SPAG16: variants seen among roughly 807,000 people sequenced by gnomAD.
The protein encoded by SPAG16 is sperm-associated antigen 16 protein.
SPAG16 carries 86 observed loss-of-function variants against 80.4 expected under a neutral mutation model. The ratio of observed to expected loss-of-function variants is 1.07; its 90% CI spans 0.90 to 1.28. The LOEUF (loss-of-function observed/expected upper bound fraction) is 1.28, where lower values mean the gene tolerates loss of function less well. Ranked by LOEUF, SPAG16 falls within the 50% of genes most tolerant of loss-of-function variation. SPAG16 has a pLI of 0.00. For missense variants in SPAG16, 870 were observed against 765.3 expected (o/e 1.14, Z -1.61); for synonymous variants, 294 against 265.9 (o/e 1.11, Z -1.03).
At chr2:213,696,333 A>G (rs1031731219) in intron 10 of SPAG16, among the ~76,000 whole-genome samples, 2 of 152,166 alleles carry the variant, frequency 1.3e-5, no homozygotes, top group African/African-American at 4.8e-5. Context: ...TGTCTAATTG[A>G]CAATTGGATA....
At chr2:214,296,251 C>T (rs1399853633) in intron 15 of SPAG16, among the ~76,000 whole-genome samples, 1 of 152,154 alleles carries the variant, frequency 6.6e-6, no homozygotes, top group African/African-American at 2.4e-5. Context: ...TTTATGGTTG[C>T]ATAGAATTCC....
At chr2:213,947,872 T>A (rs73990005) in intron 12 of SPAG16, among the ~76,000 whole-genome samples, 27,916 of 152,002 alleles carry the variant, frequency 0.18, 3,934 homozygotes, top group African/African-American at 0.4. Context: ...AATCAGATAG[T>A]GTGATTCCTT....
chr2:214,308,674 T>C (rs1695088684), intron 15 of SPAG16, among the ~76,000 whole-genome samples: 2 of 152,126 alleles, frequency 1.3e-5, no homozygotes, highest in South Asian at 4.1e-4. Flanking sequence ...AAAATTCTGG[T>C]TTGGAAATTC....
chr2:213,916,354 C>G (rs1309535757), intron 11 of SPAG16, among the ~76,000 whole-genome samples: 1 of 152,138 alleles, frequency 6.6e-6, no homozygotes, highest in Non-Finnish European at 1.5e-5. Flanking sequence ...TTCCCAACAT[C>G]ATTTATTAAA....
At chr2:213,928,100 C>G (rs1448214361) in intron 11 of SPAG16, among the ~76,000 whole-genome samples, 1 of 152,048 alleles carries the variant, frequency 6.6e-6, no homozygotes, top group South Asian at 2.1e-4. Context: ...CTTCTCTTTT[C>G]TCTTTTTGAG....
In SPAG16 at chr2:213,794,465, G is replaced by A. The variant is rs536583275; in HGVS notation, c.1071-68020G>A. ...TTAAGAATAGATTCCTTTTCTGCATGTTCCCTTTCCTGGTCTTTTTGGGTA... is the reference window on the plus strand; with the variant it reads ...TTAAGAATAGATTCCTTTTCTGCATATTCCCTTTCCTGGTCTTTTTGGGTA... On this transcript the variant is annotated intron_variant, in intron 10 of 15. Transcript: ENST00000331683. Among the ~76,000 whole-genome samples the A allele has an allele frequency of 1.2e-4, 18 of 152,182 alleles. No homozygotes were observed. In the South Asian group the frequency reaches 1.9e-3, roughly 16 times the overall value.
intron 15 of SPAG16, among the ~76,000 whole-genome samples, chr2:214,328,817 A>G (rs570326267): frequency 7.9e-5 from 12 of 152,298 alleles, no homozygotes; most frequent in Admixed American, 2.6e-4. Context: ...ATTCATGTAC[A>G]TGTGATAATA....
At chr2:214,359,822 A>T (rs73989459) in intron 15 of SPAG16, among the ~76,000 whole-genome samples, 3 of 151,964 alleles carry the variant, frequency 2.0e-5, no homozygotes, top group Admixed American at 2.0e-4. Flanking sequence ...TTATTAAAAA[A>T]ACATTTAAAT....
At chr2:214,119,514 C>T (rs535264121) in intron 14 of SPAG16, among the ~76,000 whole-genome samples, 1 of 152,036 alleles carries the variant, frequency 6.6e-6, no homozygotes, top group Non-Finnish European at 1.5e-5. Flanking sequence ...GGGAGCCTCA[C>T]CTGACTTCAA....
At position 213,973,854 on chromosome 2, in the gene SPAG16, C is replaced by G. The variant is rs116238116; in HGVS notation, c.1401-40097C>G. Among the ~76,000 whole-genome samples, 1,372 of 152,034 alleles carry G rather than the reference C, an allele frequency of 9.0e-3. 20 individuals are homozygous for G. Among genetic ancestry groups the G allele is most frequent in the African/African-American group, 0.031 (1,280 of 41,476 alleles). ...AAGTTAATGGAATTAATAAGTAAAC[C>G]TGTGAATTATAAGACTTGCATTACA... On this transcript the variant is annotated intron_variant, in intron 12 of 15. Coordinates refer to ENST00000331683, the MANE Select transcript of SPAG16 (RefSeq NM_024532.5).
intron 10 of SPAG16, among the ~76,000 whole-genome samples, chr2:213,809,613 A>C (rs996372876): frequency 4.6e-5 from 7 of 152,196 alleles, no homozygotes; most frequent in African/African-American, 1.4e-4. Context: ...AACAAGCAGC[A>C]AGGTTACTTG....
intron 15 of SPAG16, among the ~76,000 whole-genome samples, chr2:214,366,745 A>G (rs1699505921): frequency 6.6e-6 from 1 of 152,178 alleles, no homozygotes; most frequent in Non-Finnish European, 1.5e-5. Flanking sequence ...GGGAAAGGTA[A>G]ATACACAAAG....
chr2:214,246,477 G>T lies in SPAG16; in HGVS notation c.1720+97211G>T, dbSNP rs1220695019. 4.6e-5 allele frequency among the ~76,000 whole-genome samples: 7 copies of T among 152,136 alleles called. No homozygotes were observed. In the East Asian group the frequency reaches 1.4e-3, roughly 29 times the overall value. On this transcript the variant is annotated intron_variant, in intron 15 of 15. Coordinates refer to ENST00000331683, the MANE Select transcript of SPAG16 (RefSeq NM_024532.5). Reference sequence around the variant, plus strand: ...GACTTCTGAAGGTTGATTAGGAAAAGCCAAGTAATCAAGGCTTTGTATATG... The same window carrying T: ...GACTTCTGAAGGTTGATTAGGAAAATCCAAGTAATCAAGGCTTTGTATATG...
At chr2:214,287,567 GCTCAT>G (rs1470046855) in intron 15 of SPAG16, among the ~76,000 whole-genome samples, 1 of 152,100 alleles carries the variant, frequency 6.6e-6, no homozygotes, top group Non-Finnish European at 1.5e-5. Context: ...CTTTTCATCT[GCTCAT>G]CTATTTGAGG....
intron 15 of SPAG16, among the ~76,000 whole-genome samples, chr2:214,284,787 A>G (rs1229800194): frequency 6.8e-6 from 1 of 146,020 alleles, no homozygotes; most frequent in Non-Finnish European, 1.5e-5. Flanking sequence ...AGGTTGAATA[A>G]TATTTTACTC....
At chr2:213,912,949 T>C (rs2077744406) in intron 11 of SPAG16, among the ~76,000 whole-genome samples, 1 of 152,114 alleles carries the variant, frequency 6.6e-6, no homozygotes, top group African/African-American at 2.4e-5. Context: ...AGGATAGAAA[T>C]CACCTACCTA....
chr2:213,721,848 C>T (rs543016873), intron 10 of SPAG16, among the ~76,000 whole-genome samples: 1 of 151,986 alleles, frequency 6.6e-6, no homozygotes, highest in Non-Finnish European at 1.5e-5. Flanking sequence ...ACACATTTTC[C>T]CTGGGAGCAA....
chr2:213,649,041 C>A (rs987336028), intron 10 of SPAG16, among the ~76,000 whole-genome samples: 1 of 152,168 alleles, frequency 6.6e-6, no homozygotes, highest in Non-Finnish European at 1.5e-5. Flanking sequence ...ATATTAAATT[C>A]TCTGTCTTCA....
At chr2:213,456,212 GA>G (rs1268232305) in intron 9 of SPAG16, among the ~76,000 whole-genome samples, 2 of 152,090 alleles carry the variant, frequency 1.3e-5, no homozygotes, top group Non-Finnish European at 2.9e-5. Context: ...TGTGCTTTTA[GA>G]AGAATTTGTA....
Sources: gnomAD v4.1 joint callset for allele counts (sites outside exome capture counted in the v4.1 genomes callset) on GRCh38, gnomAD v4.1.1 for gene constraint, MANE v1.5 for transcripts, NCBI Gene and HGNC (gene_info 2026-07-23, HGNC 2026-07-21) for gene names.